Variants in DDHD2 observed in about 807,000 individuals in gnomAD.
The protein encoded by DDHD2 is DDHD domain containing 2.
DDHD2 carries 62 observed loss-of-function variants against 91.2 expected under a neutral mutation model. The ratio of observed to expected loss-of-function variants is 0.68; its 90% confidence interval spans 0.55 to 0.84. DDHD2 has a LOEUF of 0.84. Among genes scored for constraint, DDHD2 ranks in the 40% least tolerant of loss-of-function variants. DDHD2 has a pLI of 0.00. For synonymous variants in DDHD2, 271 were observed against 293.9 expected (o/e 0.92, Z 0.80); for missense variants, 740 against 846.9 (o/e 0.87, Z 1.57).
chr8:38,269,211 CT>C, intron 1 of DDHD2: 1 of 1,495,848 alleles, frequency 6.7e-7, no homozygotes, highest in South Asian at 1.3e-5. Flanking sequence ...CGGCCGCGAG[CT>C]CCGAGCGACG....
At chr8:38,267,240 A>T, downstream of DDHD2, 1 of 1,613,904 alleles carries the variant, frequency 6.2e-7, no homozygotes, top group South Asian at 1.1e-5. Context: ...AAACAAGCAT[A>T]GGGTAGAGTC....
chr8:38,264,224 T>C (rs1000864322), downstream of DDHD2: 16 of 875,882 alleles, frequency 1.8e-5, no homozygotes, highest in South Asian at 4.0e-4. Context: ...CTCGGCTCAC[T>C]GGAACCTCCA....
chr8:38,237,597 C>G lies in DDHD2; in HGVS notation c.471C>G (p.Asn157Lys). 6.3e-7 allele frequency: 1 copy of G among 1,588,954 alleles called. No homozygotes were observed. The highest frequency in any genetic ancestry group is 8.6e-7 in the Non-Finnish European group (1 of 1,166,312). ...DEWKKKLESPNREIIILHNPK... is the reference protein window; with the variant it reads ...DEWKKKLESPKREIIILHNPK... ...GGAAAAAGAAACTGGAATCTCCCAA[C>G]AGAGAAATTATTATTTTACACAATC... is the stretch of plus-strand genomic sequence containing the variant. Residue 157 changes from asparagine to lysine, a missense_variant, in exon 4 of 18, where the codon AAC becomes AAG. By Grantham distance (94) the Asn-to-Lys change is moderately conservative. Around this residue, in one of 2 missense-constraint regions of DDHD2, gnomAD observed 693 missense variants for 764.2 expected, o/e 0.91. Transcript: ENST00000397166.
At chr8:38,263,691 A>G, downstream of DDHD2, 4 of 985,334 alleles carry the variant, frequency 4.1e-6, no homozygotes, top group Non-Finnish European at 4.8e-6. Flanking sequence ...GAGAAGGTAA[A>G]CAGAATCAAA....
intron 16 of DDHD2, among the ~76,000 whole-genome samples, chr8:38,256,492 A>T (rs940395534): frequency 6.6e-5 from 10 of 151,636 alleles, no homozygotes; most frequent in Non-Finnish European, 1.2e-4. Context: ...AATTTTTTTT[A>T]AATTTATTTT....
At chr8:38,270,709 T>C (rs1305650613) in intron 1 of DDHD2, 1 of 152,214 alleles carries the variant, frequency 6.6e-6, no homozygotes, top group African/African-American at 2.4e-5. Context: ...GGGTGCTTTC[T>C]CACTAACTAG....
At chr8:38,267,242 G>C (rs1159197966), downstream of DDHD2, 7 of 1,613,872 alleles carry the variant, frequency 4.3e-6, no homozygotes, top group Non-Finnish European at 5.9e-6. Context: ...ACAAGCATAG[G>C]GTAGAGTCCA....
intron 9 of DDHD2, 64 bp from the exon 10 acceptor site, chr8:38,247,649 C>T (rs1805753110): frequency 9.1e-7 from 1 of 1,096,102 alleles, no homozygotes. Context: ...TTCTTTACTG[C>T]AAAATAGTAT....
At chr8:38,271,112 T>C (rs1314902207) in intron 1 of DDHD2, 2 of 152,156 alleles carry the variant, frequency 1.3e-5, no homozygotes, top group Non-Finnish European at 2.9e-5. Context: ...AATGCTGGTA[T>C]CTCATGCAGG....
chr8:38,264,705 T>C (rs1807311807), downstream of DDHD2: 1 of 1,431,824 alleles, frequency 7.0e-7, no homozygotes, highest in Admixed American at 2.8e-5. Flanking sequence ...TACTCTACTG[T>C]GGGGCTAAAA....
At chr8:38,271,993 G>A (rs887462534), downstream of DDHD2, 2 of 152,196 alleles carry the variant, frequency 1.3e-5, no homozygotes, top group African/African-American at 2.4e-5. Flanking sequence ...CAGTAGGTCT[G>A]GGTTTGACCT....
chr8:38,269,053 C>G, intron 1 of DDHD2: 9 of 1,525,524 alleles, frequency 5.9e-6, no homozygotes, highest in Non-Finnish European at 7.9e-6. Flanking sequence ...CCCCACTGCC[C>G]GACCCGCCGC....
intron 10 of DDHD2, among the ~76,000 whole-genome samples, chr8:38,249,458 T>G (rs1228580544): frequency 6.7e-6 from 1 of 150,310 alleles, no homozygotes; most frequent in Non-Finnish European, 1.5e-5. Context: ...CTTCTCTGTT[T>G]TTTTTTTTTT....
intron 1 of DDHD2, chr8:38,269,213 C>G: frequency 1.3e-6 from 2 of 1,495,136 alleles, no homozygotes; most frequent in Middle Eastern, 2.3e-4. Context: ...GCCGCGAGCT[C>G]CGAGCGACGC....
At chr8:38,272,521 C>T (rs965335360), downstream of DDHD2, 1 of 152,312 alleles carries the variant, frequency 6.6e-6, no homozygotes, top group Non-Finnish European at 1.5e-5. Context: ...CAGTGGCGGT[C>T]CAGCCCCTCC....
downstream of DDHD2, chr8:38,267,548 G>T: frequency 1.3e-6 from 1 of 793,306 alleles, no homozygotes; most frequent in Non-Finnish European, 1.9e-6. Flanking sequence ...TAAGAGAAAA[G>T]CCTTTCAAGG....
At chr8:38,258,418 A>T (rs909990353) in intron 16 of DDHD2, among the ~76,000 whole-genome samples, 16 of 151,532 alleles carry the variant, frequency 1.1e-4, no homozygotes, top group African/African-American at 3.4e-4. Context: ...ATGCCCAGCT[A>T]ATTTTTGTAT....
intron 10 of DDHD2, 90 bp from the exon 11 acceptor site, chr8:38,249,618 C>T (rs2130834166): frequency 1.4e-6 from 1 of 716,668 alleles, no homozygotes; most frequent in Non-Finnish European, 2.3e-6. Context: ...AGACAGGCAG[C>T]AACAGAGTGC....
chr8:38,255,876 G>A (rs1326779065), intron 16 of DDHD2, among the ~76,000 whole-genome samples: 2 of 152,088 alleles, frequency 1.3e-5, no homozygotes, highest in Non-Finnish European at 2.9e-5. Context: ...ATGGCATAAA[G>A]GGTATATACA....
Sources: gnomAD v4.1 joint callset for allele counts (sites outside exome capture counted in the v4.1 genomes callset) on GRCh38, gnomAD v4.1.1 for gene constraint, gnomAD v4.1.1 regional missense constraint, MANE v1.5 for transcripts, NCBI Gene and HGNC (gene_info 2026-07-23, HGNC 2026-07-21) for gene names.